POLA1: variants seen among roughly 807,000 people sequenced by gnomAD.
POLA1 encodes DNA polymerase alpha catalytic subunit.
POLA1 carries 15 observed loss-of-function variants against 124.0 expected under a neutral mutation model. The observed-to-expected ratio is 0.12, with a 90% CI of 0.08 to 0.19. The LOEUF (loss-of-function observed/expected upper bound fraction) is 0.19. POLA1 is among the 10% of genes least tolerant of loss of function. POLA1 has a pLI of 1.00. For missense variants in POLA1, 886 were observed against 1,103.4 expected (o/e 0.80, Z 2.79); for synonymous variants, 408 against 389.4 (o/e 1.05, Z -0.56).
At chrX:24,749,134 C>T (rs953487501) in intron 26 of POLA1, 142 bp downstream of exon 26, 11 of 455,496 alleles carry the variant, frequency 2.4e-5, no homozygotes, top group Non-Finnish European at 3.4e-5. Flanking sequence ...AGGTTTGAGA[C>T]AAATAGGCAT....
intron 26 of POLA1, among the ~76,000 whole-genome samples, chrX:24,807,625 A>G (rs1234077047): frequency 8.9e-6 from 1 of 112,195 alleles, no homozygotes; most frequent in Non-Finnish European, 1.9e-5. Flanking sequence ...AGTTCCTATT[A>G]CAGTGAAGTC....
intron 36 of POLA1, among the ~76,000 whole-genome samples, chrX:24,986,421 A>G (rs1399938304): frequency 3.6e-5 from 4 of 110,860 alleles, no homozygotes. Context: ...AGCTATGACC[A>G]CTGCACTCCA....
At chrX:24,868,217 G>A (rs762841100) in intron 34 of POLA1, among the ~76,000 whole-genome samples, 44 of 112,047 alleles carry the variant, frequency 3.9e-4, no homozygotes, top group Non-Finnish European at 7.5e-4. Flanking sequence ...CCACGTTAGG[G>A]GAAAGGTTAA....
chrX:24,748,525 A>G (rs1435853398), intron 25 of POLA1, 65 bp downstream of exon 25: 43 of 927,116 alleles, frequency 4.6e-5, no homozygotes. Flanking sequence ...ATTATTTATG[A>G]GTAAACAGGA....
chrX:24,738,219 CAAAAAAAA>C (rs755084911), intron 19 of POLA1, among the ~76,000 whole-genome samples: 4 of 11,244 alleles, frequency 3.6e-4, no homozygotes, highest in South Asian at 9.5e-3. Flanking sequence ...GACTCCGTCT[CAAAAAAAA>C]AAAAAAAAAA....
chrX:24,913,638 C>T (rs1040775722), intron 35 of POLA1, among the ~76,000 whole-genome samples: 17 of 109,101 alleles, frequency 1.6e-4, no homozygotes, highest in South Asian at 8.2e-4. Flanking sequence ...CGCTTAAACC[C>T]GGGAGATGGA....
chrX:24,748,733 G>T (rs1033358695), intron 25 of POLA1, 137 bp from the exon 26 acceptor site: 41 of 659,305 alleles, frequency 6.2e-5, no homozygotes, highest in Non-Finnish European at 9.2e-5. Flanking sequence ...CAGGAGAATG[G>T]GTTGAGTATA....
At chrX:24,973,839 C>A (rs754380049) in intron 36 of POLA1, among the ~76,000 whole-genome samples, 5 of 111,450 alleles carry the variant, frequency 4.5e-5, no homozygotes, top group Non-Finnish European at 9.4e-5. Context: ...TACCCACCCC[C>A]ACACAAGCTT....
At chrX:24,800,186 C>G (rs985646058) in intron 26 of POLA1, among the ~76,000 whole-genome samples, 3 of 111,700 alleles carry the variant, frequency 2.7e-5, no homozygotes, top group Non-Finnish European at 3.8e-5. Context: ...TGTTTCTAGT[C>G]TTAATGAAAA....
chrX:24,947,381 CTTAAGCCTCCCAA>C (rs1315043132), intron 36 of POLA1, among the ~76,000 whole-genome samples: 1 of 101,911 alleles, frequency 9.8e-6, no homozygotes, highest in Non-Finnish European at 2.0e-5. Flanking sequence ...GACCCTCCCA[CTTAAGCCTCCCAA>C]GTAGCTGTGA....
intron 36 of POLA1, among the ~76,000 whole-genome samples, chrX:24,934,438 T>C (rs1166858570): frequency 9.0e-6 from 1 of 111,638 alleles, no homozygotes; most frequent in Non-Finnish European, 1.9e-5. Flanking sequence ...TCACCACCAA[T>C]AGGGTGAAAT....
chrX:24,951,761 C>G (rs2048048388), intron 36 of POLA1, among the ~76,000 whole-genome samples: 1 of 111,697 alleles, frequency 9.0e-6, no homozygotes, highest in Admixed American at 9.5e-5. Flanking sequence ...ATTCAGACTT[C>G]AAAATATTTA....
chrX:24,921,369 A>G (rs920029765), intron 35 of POLA1, among the ~76,000 whole-genome samples: 2 of 112,574 alleles, frequency 1.8e-5, no homozygotes, highest in African/African-American at 6.5e-5. Flanking sequence ...AAAGTGATAC[A>G]TGCCATTAAA....
chrX:24,723,250 T>A lies in POLA1; in HGVS notation c.1183T>A (p.Phe395Ile), dbSNP rs1469548656. ...GAAAAATATCGAGCGAACGCTTTAC[T>A]TCCTTCCCCGTGAAATGGTAAACAT... Reference protein sequence around the residue: ...MVKNIERTLYFLPREMKIDLN... With the variant: ...MVKNIERTLYILPREMKIDLN... The change falls in exon 11 of 37, where the codon TTC (phenylalanine) becomes ATC (isoleucine). Residue 395 changes from phenylalanine (F) to isoleucine (I), a missense_variant. Around this residue, in one of 7 missense-constraint regions of POLA1, gnomAD observed 337 missense variants for 402.8 expected, o/e 0.84. Transcript: ENST00000379068. 8.5e-7 allele frequency: 1 copy of A among 1,176,735 alleles called. No homozygotes were observed.
chrX:24,764,586 A>C (rs1221990459), intron 26 of POLA1, among the ~76,000 whole-genome samples: 2 of 112,191 alleles, frequency 1.8e-5, no homozygotes, highest in African/African-American at 6.5e-5. Flanking sequence ...TTGTTCACTC[A>C]GTTTTACTAA....
intron 32 of POLA1, 147 bp from the exon 33 acceptor site, chrX:24,841,505 A>G (rs1017271792): frequency 1.9e-5 from 7 of 372,750 alleles, no homozygotes; most frequent in Non-Finnish European, 3.2e-5. Context: ...TCTCTTGTAA[A>G]AAGAGAAGTC....
chrX:24,814,832 C>A, intron 29 of POLA1, 147 bp from the exon 30 acceptor site: 1 of 499,499 alleles, frequency 2.0e-6, no homozygotes, highest in Non-Finnish European at 3.0e-6. Flanking sequence ...GCCTTTTCGA[C>A]ATTAACCCTC....
intron 34 of POLA1, among the ~76,000 whole-genome samples, chrX:24,860,969 C>T (rs1463759407): frequency 1.8e-5 from 2 of 111,907 alleles, no homozygotes; most frequent in Non-Finnish European, 3.8e-5. Flanking sequence ...CTGTTGAGGG[C>T]AAGAGTCAGA....
At chrX:24,819,535 GCT>G (rs1353258129) in intron 30 of POLA1, among the ~76,000 whole-genome samples, 1 of 111,714 alleles carries the variant, frequency 9.0e-6, no homozygotes, top group African/African-American at 3.3e-5. Flanking sequence ...TTGCACAAAT[GCT>G]TTCCCTTGAG....
Sources: allele counts gnomAD v4.1 joint callset (sites outside exome capture counted in the v4.1 genomes callset), GRCh38; gene constraint gnomAD v4.1.1; regional missense constraint gnomAD v4.1.1; transcripts MANE v1.5; gene names NCBI Gene and HGNC (gene_info 2026-07-23, HGNC 2026-07-21).